ACAP2: variants seen among roughly 807,000 people sequenced by gnomAD.
The protein encoded by ACAP2 is arf-GAP with coiled-coil, ANK repeat and PH domain-containing protein 2.
In ACAP2, 39 loss-of-function variants were observed where a neutral mutation model predicts 115.8. The ratio of observed to expected loss-of-function variants is 0.34; its 90% CI spans 0.26 to 0.44. The LOEUF (loss-of-function observed/expected upper bound fraction) is 0.44, where lower values mean the gene tolerates loss of function less well. Ranked by LOEUF, ACAP2 falls within the 20% of genes least tolerant of loss-of-function variation. The pLI, the probability that ACAP2 is intolerant of heterozygous loss-of-function variation, is 1.00. For synonymous variants in ACAP2, 289 were observed against 315.8 expected (o/e 0.92, Z 0.90); for missense variants, 662 against 927.6 (o/e 0.71, Z 3.72).
Position 195,294,783 on chromosome 3 carries a change from C to A in ACAP2, c.1701G>T (p.Gln567His). 6.2e-7 allele frequency: 1 copy of A among 1,607,930 alleles called. No individual in the cohort carries two copies. The highest frequency in any genetic ancestry group is 8.5e-7 in the Non-Finnish European group (1 of 1,175,662). The change falls in exon 18 of 23, where the codon CAG becomes CAT. Residue 567 changes from glutamine to histidine, a missense_variant. Coordinates refer to ENST00000326793, the MANE Select transcript of ACAP2 (RefSeq NM_012287.6). ...SVRSNDSGIQ[Q>H]SSDDGRESLP... Reference sequence around the variant, plus strand: ...AAGATTCTCTTCCATCATCAGAGCTCTGCTGAATTCCACTGTCATTACTTC... The same window carrying A: ...AAGATTCTCTTCCATCATCAGAGCTATGCTGAATTCCACTGTCATTACTTC...
At chr3:195,422,660 T>A (rs1301982463) in intron 1 of ACAP2, among the ~76,000 whole-genome samples, 1 of 152,046 alleles carries the variant, frequency 6.6e-6, no homozygotes. Flanking sequence ...TAATTTTCTG[T>A]AGAGACAAAG....
At chr3:195,342,335 A>T (rs1241707920) in intron 6 of ACAP2, 136 bp downstream of exon 6, 6 of 844,036 alleles carry the variant, frequency 7.1e-6, no homozygotes, top group Non-Finnish European at 1.0e-5. Flanking sequence ...CACAGATGGA[A>T]ATTTTCCACC....
At position 195,290,284 on chromosome 3, in the gene ACAP2, C is replaced by T. The variant is rs565822794; in HGVS notation, c.2064-1053G>A. Reference sequence around the variant, plus strand: ...CTTGGGAAGCTGAGGCATGAAGATCCTGAGCCCCAGAATTCAAGGCTGTAG... The same window carrying T: ...CTTGGGAAGCTGAGGCATGAAGATCTTGAGCCCCAGAATTCAAGGCTGTAG... On this transcript the variant is annotated intron_variant, in intron 20 of 22. Transcript: ENST00000326793. Among the ~76,000 whole-genome samples the T allele has an allele frequency of 2.6e-5, 4 of 152,108 alleles. No homozygotes were observed. The South Asian group carries it at 8.3e-4, about 32-fold the overall frequency.
At chr3:195,429,205 T>C (rs1037014812) in intron 1 of ACAP2, among the ~76,000 whole-genome samples, 1 of 151,784 alleles carries the variant, frequency 6.6e-6, no homozygotes, top group Non-Finnish European at 1.5e-5. Context: ...CTGGCCAACA[T>C]GATAAAACCC....
At chr3:195,411,090 C>A (rs555752181) in intron 1 of ACAP2, 19 of 238,652 alleles carry the variant, frequency 8.0e-5, no homozygotes, top group Non-Finnish European at 1.1e-4. Context: ...GACTAAGAAG[C>A]CATCTCACAC....
intron 1 of ACAP2, among the ~76,000 whole-genome samples, chr3:195,397,992 A>C (rs1199836596): frequency 6.6e-6 from 1 of 152,196 alleles, no homozygotes; most frequent in Non-Finnish European, 1.5e-5. Context: ...TTAAGAGAAA[A>C]CACTTCTAGG....
At chr3:195,327,045 A>G in intron 8 of ACAP2, 86 bp from the exon 9 acceptor site, 1 of 1,202,332 alleles carries the variant, frequency 8.3e-7, no homozygotes, top group Non-Finnish European at 1.2e-6. Context: ...TTTCACAGAT[A>G]AATAAAAAAT....
chr3:195,331,697 A>C (rs148735556), intron 8 of ACAP2, among the ~76,000 whole-genome samples: 1 of 152,210 alleles, frequency 6.6e-6, no homozygotes, highest in African/African-American at 2.4e-5. Context: ...AAAAATCGAC[A>C]GTGTTAAAAT....
chr3:195,362,471 T>C (rs1356321587), intron 4 of ACAP2, among the ~76,000 whole-genome samples: 1 of 152,084 alleles, frequency 6.6e-6, no homozygotes, highest in Non-Finnish European at 1.5e-5. Flanking sequence ...ACAAACTCAT[T>C]CTATGAGGCC....
chr3:195,300,203 C>A (rs1170547627), intron 15 of ACAP2, among the ~76,000 whole-genome samples: 1 of 151,816 alleles, frequency 6.6e-6, no homozygotes, highest in African/African-American at 2.4e-5. Flanking sequence ...TGTGCCACCA[C>A]GCCTGGCTAA....
chr3:195,284,105 G>A (rs1379251530), intron 22 of ACAP2, among the ~76,000 whole-genome samples: 1 of 152,136 alleles, frequency 6.6e-6, no homozygotes, highest in Non-Finnish European at 1.5e-5. Flanking sequence ...GTCGACCACT[G>A]ACCACCTGGC....
chr3:195,390,887 A>C (rs773778401), intron 2 of ACAP2, among the ~76,000 whole-genome samples: 18 of 152,220 alleles, frequency 1.2e-4, no homozygotes, highest in Non-Finnish European at 2.4e-4. Context: ...GAAGTATCTA[A>C]ACAAATGGAT....
chr3:195,408,442 T>C (rs145203108), intron 1 of ACAP2, among the ~76,000 whole-genome samples: 5,243 of 152,176 alleles, frequency 0.034, 118 homozygotes, highest in Non-Finnish European at 0.051. Flanking sequence ...CCAGCCTGGG[T>C]GACAGAGTGA....
Position 195,358,965 on chromosome 3 carries a change from C to T in ACAP2, c.286-13648G>A, listed in dbSNP as rs553769963. On this transcript the variant is annotated intron_variant, in intron 4 of 22. Coordinates refer to ENST00000326793, the MANE Select transcript of ACAP2 (RefSeq NM_012287.6). ...GAAAAGAAACAATACAATGGAGCTC[C>T]AAAACATCTAGCAGTAAACTTTTCA... is the stretch of plus-strand genomic sequence containing the variant. Among the ~76,000 whole-genome samples the T allele has an allele frequency of 2.6e-5, 4 of 152,142 alleles. No individual in the cohort carries two copies. The South Asian group carries it at 8.3e-4, about 32-fold the overall frequency.
Position 195,276,829 on chromosome 3 carries a change from T to C in ACAP2, c.*2499A>G, listed in dbSNP as rs1157697946. The stretch of plus-strand genomic sequence containing the variant: ...GCCTTGCTGTTTACTCCATCATTTC[T>C]GCCAAATGTAGTCCAAATTGGGTCT... On this transcript the variant is annotated 3_prime_UTR_variant, in exon 23 of 23. Coordinates refer to ENST00000326793, the MANE Select transcript of ACAP2 (RefSeq NM_012287.6). 6.6e-6 allele frequency: 1 copy of C among 152,248 alleles called. No individual in the cohort carries two copies. Among genetic ancestry groups the C allele is most frequent in the Admixed American group, 6.5e-5 (1 of 15,284 alleles). 9.4% of individuals were successfully genotyped at this position (152,248 alleles called of 1,614,324 possible). A position where few individuals can be genotyped will look rare whatever the true frequency, so the allele number is the denominator to read the frequency against.
At chr3:195,424,283 A>ATTTTTTTTT (rs1162275706) in intron 1 of ACAP2, among the ~76,000 whole-genome samples, 2 of 54,130 alleles carry the variant, frequency 3.7e-5, no homozygotes, top group Non-Finnish European at 6.2e-5. Flanking sequence ...ATATATATAT[A>ATTTTTTTTT]TTTTTTTTTT....
chr3:195,406,395 T>G (rs747400994), intron 1 of ACAP2, among the ~76,000 whole-genome samples: 1 of 152,222 alleles, frequency 6.6e-6, no homozygotes, highest in Non-Finnish European at 1.5e-5. Context: ...ATCCACTGAT[T>G]TACCATGGCT....
At chr3:195,392,289 G>A (rs185774330) in intron 1 of ACAP2, 142 bp from the exon 2 acceptor site, 3 of 650,832 alleles carry the variant, frequency 4.6e-6, no homozygotes, top group African/African-American at 3.7e-5. Flanking sequence ...TTGGAATTTA[G>A]TATCAATACT....
chr3:195,361,150 C>A (rs1732339831), intron 4 of ACAP2, among the ~76,000 whole-genome samples: 1 of 152,080 alleles, frequency 6.6e-6, no homozygotes, highest in Admixed American at 6.5e-5. Context: ...AGGAAAGAAA[C>A]TGGGCTGGGC....
Sources: gnomAD v4.1 joint callset for allele counts (sites outside exome capture counted in the v4.1 genomes callset) on GRCh38, gnomAD v4.1.1 for gene constraint, MANE v1.5 for transcripts, NCBI Gene and HGNC (gene_info 2026-07-23, HGNC 2026-07-21) for gene names.